The following ABCA13 variants were observed in gnomAD, a reference collection of about 807,000 sequenced individuals.
The protein encoded by ABCA13 is ATP binding cassette subfamily A member 13.
Under a neutral mutation model 478.7 loss-of-function variants are expected in ABCA13, and 476 were observed. That is an observed-to-expected ratio of 0.99 (90% CI 0.92 to 1.07). The LOEUF is 1.07. Among genes scored for constraint, ABCA13 ranks in the 50% least tolerant of loss-of-function variants. ABCA13 has a pLI of 0.00. For synonymous variants in ABCA13, 2,252 were observed against 2,158.9 expected (o/e 1.04, Z -1.20); for missense variants, 6,060 against 5,910.6 (o/e 1.03, Z -0.83).
intron 40 of ABCA13, among the ~76,000 whole-genome samples, chr7:48,411,732 T>G (rs1324830696): frequency 1.3e-5 from 2 of 152,184 alleles, no homozygotes; most frequent in South Asian, 2.1e-4. Context: ...GGGTCACATC[T>G]GTAGTCATCA....
chr7:48,251,126 A>G (rs1435492155), intron 15 of ABCA13, among the ~76,000 whole-genome samples: 1 of 152,172 alleles, frequency 6.6e-6, no homozygotes, highest in African/African-American at 2.4e-5. Flanking sequence ...TCTGTATAGC[A>G]GCAGTATTGG....
chr7:48,440,665 C>T (rs182943812), intron 42 of ABCA13, among the ~76,000 whole-genome samples: 153 of 151,672 alleles, frequency 1.0e-3, no homozygotes, highest in African/African-American at 3.4e-3. Flanking sequence ...ATTTTGTTAT[C>T]GTGAGAAGTT....
chr7:48,584,336 A>G (rs1788972692), intron 56 of ABCA13, among the ~76,000 whole-genome samples: 1 of 152,210 alleles, frequency 6.6e-6, no homozygotes, highest in Non-Finnish European at 1.5e-5. Flanking sequence ...AGGTCCCCAA[A>G]TAACATTGTT....
intron 5 of ABCA13, 64 bp downstream of exon 5, chr7:48,221,373 C>T: frequency 1.3e-6 from 1 of 794,538 alleles, no homozygotes; most frequent in Non-Finnish European, 1.9e-6. Context: ...GTTTACAACA[C>T]TGTTTTTAAG....
At chr7:48,367,239 T>G (rs751085902) in intron 31 of ABCA13, among the ~76,000 whole-genome samples, 2 of 152,024 alleles carry the variant, frequency 1.3e-5, no homozygotes, top group African/African-American at 4.8e-5. Context: ...AGAAGGAAAA[T>G]GACTGGATAA....
rs1179373211 is a variant in ABCA13, at chr7:48,372,340, T to C, written c.10976T>C (p.Met3659Thr). ...IVFLFLLDFGMSVVMLSYLLS... is the reference protein window; with the variant it reads ...IVFLFLLDFGTSVVMLSYLLS... ...TTCCTCTTTCTCTTGGATTTTGGGATGTCAGTCGTCATGCTGAGCTACCTC... is the reference window on the plus strand; with the variant it reads ...TTCCTCTTTCTCTTGGATTTTGGGACGTCAGTCGTCATGCTGAGCTACCTC... Residue 3659 changes from methionine (M) to threonine (T), a missense_variant, in exon 33 of 62, where the codon ATG (methionine) becomes ACG (threonine). Physicochemically the swap from Met to Thr is moderately conservative, Grantham distance 81. Around this residue, in one of 3 missense-constraint regions of ABCA13, gnomAD observed 4,423 missense variants for 4,309.1 expected, o/e 1.03. Coordinates refer to ENST00000435803, the MANE Select transcript of ABCA13 (RefSeq NM_152701.5). 1.2e-6 allele frequency: 2 copies of C among 1,613,834 alleles called. No homozygotes were observed. Among genetic ancestry groups the C allele is most frequent in the Non-Finnish European group, 1.7e-6 (2 of 1,179,852 alleles).
chr7:48,313,329 A>G, intron 25 of ABCA13, 98 bp downstream of exon 25: 2 of 1,240,442 alleles, frequency 1.6e-6, no homozygotes, highest in Non-Finnish European at 2.2e-6. Flanking sequence ...TAAAATTTGC[A>G]TTAGACAGCA....
At chr7:48,429,065 T>C (rs961221521) in intron 42 of ABCA13, among the ~76,000 whole-genome samples, 2 of 152,364 alleles carry the variant, frequency 1.3e-5, no homozygotes, top group African/African-American at 4.8e-5. Context: ...TGTGACTAGC[T>C]TCTTTCACTC....
chr7:48,517,573 C>T (rs145781309), intron 52 of ABCA13, among the ~76,000 whole-genome samples: 1,689 of 152,234 alleles, frequency 0.011, 11 homozygotes, highest in Non-Finnish European at 0.014. Flanking sequence ...TGCCACATTC[C>T]TTTCACTCCT....
In ABCA13 at chr7:48,278,970, G is replaced by A; in HGVS notation, c.7776G>A (p.Val2592=). Residue 2592 remains valine, a synonymous_variant, in exon 18 of 62, where the codon GTG becomes GTA. Transcript: ENST00000435803. ...TTGAAAAGATAAATGATTTGTTGGT[G>A]CCATTTCTTGACTTGGCCTTTGAAA... is the stretch of plus-strand genomic sequence containing the variant. ...FTFEKINDLL[V]PFLDLAFEMI... The A allele has an allele frequency of 6.2e-7, 1 of 1,613,350 alleles. No homozygotes were observed. The highest frequency in any genetic ancestry group is 8.5e-7 in the Non-Finnish European group (1 of 1,179,798).
At chr7:48,498,953 T>C (rs1230808073) in intron 48 of ABCA13, among the ~76,000 whole-genome samples, 1 of 152,174 alleles carries the variant, frequency 6.6e-6, no homozygotes, top group African/African-American at 2.4e-5. Context: ...ACTGAAGATA[T>C]GTAATATAAA....
chr7:48,374,936 A>G (rs753805103), intron 34 of ABCA13, among the ~76,000 whole-genome samples: 4 of 152,112 alleles, frequency 2.6e-5, no homozygotes, highest in Non-Finnish European at 4.4e-5. Flanking sequence ...GGGCCATTAG[A>G]TTCTCATAGG....
chr7:48,358,616 T>G (rs1225907578), intron 31 of ABCA13, among the ~76,000 whole-genome samples: 2 of 152,046 alleles, frequency 1.3e-5, no homozygotes, highest in Non-Finnish European at 2.9e-5. Flanking sequence ...ATTCACTGTA[T>G]GACACACATT....
At chr7:48,414,339 G>C (rs1195524413) in intron 41 of ABCA13, among the ~76,000 whole-genome samples, 3 of 151,968 alleles carry the variant, frequency 2.0e-5, no homozygotes, top group Non-Finnish European at 2.9e-5. Context: ...ATGCTTCTCT[G>C]TCTCTCCCAT....
chr7:48,417,211 C>T (rs1280548652), intron 41 of ABCA13, among the ~76,000 whole-genome samples: 1 of 152,202 alleles, frequency 6.6e-6, no homozygotes, highest in Non-Finnish European at 1.5e-5. Context: ...AGGGGATAAC[C>T]CTCAAGATCT....
chr7:48,634,395 GGTTTACCA>G (rs746953401), intron 59 of ABCA13, among the ~76,000 whole-genome samples: 11 of 152,090 alleles, frequency 7.2e-5, no homozygotes, highest in Non-Finnish European at 1.6e-4. Context: ...TAAAACATTT[GGTTTACCA>G]GTAAAACCAT....
At chr7:48,296,705 G>GC (rs1212109643) in intron 21 of ABCA13, among the ~76,000 whole-genome samples, 2 of 151,888 alleles carry the variant, frequency 1.3e-5, no homozygotes, top group African/African-American at 4.8e-5. Context: ...CTCATGATCC[G>GC]CCCCCTTCGG....
intron 50 of ABCA13, among the ~76,000 whole-genome samples, chr7:48,509,139 C>T (rs1831463244): frequency 6.6e-6 from 1 of 152,142 alleles, no homozygotes; most frequent in Admixed American, 6.5e-5. Context: ...TTACTAGGTA[C>T]TCAAGGTGAT....
intron 58 of ABCA13, among the ~76,000 whole-genome samples, chr7:48,598,383 C>T (rs1790517370): frequency 6.6e-6 from 1 of 152,162 alleles, no homozygotes; most frequent in Non-Finnish European, 1.5e-5. Context: ...AATAAAGCTG[C>T]TTAAGGATCC....
Sources: allele counts gnomAD v4.1 joint callset (sites outside exome capture counted in the v4.1 genomes callset), GRCh38; gene constraint gnomAD v4.1.1; regional missense constraint gnomAD v4.1.1; transcripts MANE v1.5; gene names NCBI Gene and HGNC (gene_info 2026-07-23, HGNC 2026-07-21).